The following KHDRBS1 variants were observed in gnomAD, a reference collection of about 807,000 sequenced individuals.
KHDRBS1 encodes the protein KH RNA binding domain containing, signal transduction associated 1, also known as KH domain-containing, RNA-binding, signal transduction-associated protein 1.
In KHDRBS1, 7 loss-of-function variants were observed where a neutral mutation model predicts 48.4. The observed-to-expected ratio is 0.14, with a 90% CI of 0.08 to 0.27. KHDRBS1 has a LOEUF of 0.27. KHDRBS1 is among the 10% of genes least tolerant of loss of function. KHDRBS1 has a pLI of 1.00. For missense variants in KHDRBS1, 458 were observed against 601.2 expected, an observed-to-expected ratio of 0.76 and a Z score of 2.49; for synonymous variants, 241 against 235.8, an observed-to-expected ratio of 1.02 and a Z score of -0.20.
intron 10 of KHDRBS1, among the ~76,000 whole-genome samples, chr1:32,051,452 A>G (rs1470776737): frequency 6.6e-6 from 1 of 152,230 alleles, no homozygotes; most frequent in Non-Finnish European, 1.5e-5. Context: ...TGATAGAGCT[A>G]GGATTTGATC....
chr1:32,022,968 A>G (rs16834808), intron 1 of KHDRBS1, among the ~76,000 whole-genome samples: 4,295 of 152,052 alleles, frequency 0.028, 192 homozygotes, highest in African/African-American at 0.096. Flanking sequence ...AAGTTGGTAT[A>G]TAATTTTCCC....
chr1:32,056,488 C>T (rs982018261), intron 10 of KHDRBS1, among the ~76,000 whole-genome samples: 9 of 152,218 alleles, frequency 5.9e-5, no homozygotes, highest in African/African-American at 1.7e-4. Flanking sequence ...CTGTCAACCT[C>T]TGGTGCCCAC....
At chr1:32,034,681 G>A (rs1328852381) in intron 4 of KHDRBS1, among the ~76,000 whole-genome samples, 1 of 151,172 alleles carries the variant, frequency 6.6e-6, no homozygotes, top group Non-Finnish European at 1.5e-5. Flanking sequence ...ATCTTCATTA[G>A]AATGTTCAAC....
At position 32,039,563 on chromosome 1, in the gene KHDRBS1, T is replaced by C. The variant is rs1381218474; in HGVS notation, c.1224T>C (p.Tyr408=). The change falls in exon 8 of 9, where the codon TAT becomes TAC. Residue 408 remains tyrosine, a synonymous_variant. Coordinates refer to ENST00000327300, the MANE Select transcript of KHDRBS1 (RefSeq NM_006559.3). ...DYGHGEVQDS[Y]EAYGQDDWNG... is the part of the protein sequence containing the mutation. ...GACATGGGGAGGTTCAAGATTCTTA[T>C]GAAGCTTATGGTATGTCTTTATCTC... 10 of 1,505,156 alleles carry C rather than the reference T, an allele frequency of 6.6e-6. No homozygotes were observed. Among genetic ancestry groups the C allele is most frequent in the Middle Eastern group, 1.7e-4 (1 of 5,870 alleles). 93.2% of individuals were successfully genotyped at this position (1,505,156 alleles called of 1,614,324 possible).
Position 32,042,758 on chromosome 1 carries a change from C to T in KHDRBS1, c.*134C>T. 1 of 619,886 alleles carries T rather than the reference C, an allele frequency of 1.6e-6. No individual in the cohort carries two copies. The highest frequency in any genetic ancestry group is 2.9e-6 in the Non-Finnish European group (1 of 340,400). The allele number at this position is 619,886 out of a possible 1,614,324, so 38.4% of individuals were successfully genotyped here. A position where few individuals can be genotyped will look rare whatever the true frequency, so the allele number is the denominator to read the frequency against. ...TGTTTTTCTTCGTGGTCCCCTTCTT[C>T]TCCCCACCTTATTCCATTCTTAACT... is the stretch of plus-strand genomic sequence containing the variant. On this transcript the variant is annotated 3_prime_UTR_variant, in exon 9 of 9. Transcript: ENST00000327300.
intron 1 of KHDRBS1, among the ~76,000 whole-genome samples, chr1:32,023,518 T>A (rs1638902139): frequency 6.6e-6 from 1 of 152,180 alleles, no homozygotes; most frequent in South Asian, 2.1e-4. Context: ...ATGGGTCACC[T>A]CTTGTGTTGT....
chr1:32,038,105 G>A (rs181449163), intron 6 of KHDRBS1, 69 bp downstream of exon 6: 2 of 1,591,700 alleles, frequency 1.3e-6, no homozygotes, highest in Admixed American at 1.7e-5. Context: ...GAATGACAGG[G>A]CCTCGGTCCT....
rs980211053 is a variant in KHDRBS1, at chr1:32,043,183, T to C, written c.*559T>C. On this transcript the variant is annotated 3_prime_UTR_variant, in exon 9 of 9. Transcript: ENST00000327300. Reference sequence around the variant, plus strand: ...TCAGACGTCTCTAAAAAATGTTTCCTTTATAAAAGCACATGGCGGTTGAAT... The same window carrying C: ...TCAGACGTCTCTAAAAAATGTTTCCCTTATAAAAGCACATGGCGGTTGAAT... 1 of 152,578 alleles carries C rather than the reference T, an allele frequency of 6.6e-6. No homozygotes were observed. Among genetic ancestry groups the C allele is most frequent in the African/African-American group, 2.4e-5 (1 of 41,438 alleles). 9.5% of individuals were successfully genotyped at this position (152,578 alleles called of 1,614,324 possible).
intron 1 of KHDRBS1, among the ~76,000 whole-genome samples, chr1:32,023,048 C>G (rs1231684035): frequency 6.6e-6 from 1 of 151,710 alleles, no homozygotes; most frequent in Non-Finnish European, 1.5e-5. Flanking sequence ...TTTTTTCTTA[C>G]TATTTTTCTT....
intron 1 of KHDRBS1, among the ~76,000 whole-genome samples, chr1:32,018,610 AGCCGGGCGCAGT>A (rs1380536135): frequency 1.3e-5 from 2 of 151,630 alleles, no homozygotes; most frequent in African/African-American, 4.9e-5. Flanking sequence ...CAAAAAAATT[AGCCGGGCGCAGT>A]GGCGGGCGCC....
chr1:32,038,310 AG>A, intron 6 of KHDRBS1, among the ~76,000 whole-genome samples: 1 of 152,324 alleles, frequency 6.6e-6, no homozygotes. Flanking sequence ...ATAATACTAA[AG>A]CTCGATTTTG....
chr1:32,030,370 A>C lies in KHDRBS1; in HGVS notation c.455A>C (p.Lys152Thr). ...EENYLDLFSHKNMKLKERVLI... is the reference protein window; with the variant it reads ...EENYLDLFSHTNMKLKERVLI... Reference sequence around the variant, plus strand: ...AATTACTTGGATTTATTTTCTCATAAGAACATGAAACTGAAAGAGCGAGTG... The same window carrying C: ...AATTACTTGGATTTATTTTCTCATACGAACATGAAACTGAAAGAGCGAGTG... The change falls in exon 2 of 9, where the codon AAG becomes ACG. Residue 152 changes from lysine to threonine, a missense_variant. Physicochemically the swap from Lys to Thr is moderately conservative, Grantham distance 78 (BLOSUM62 -1). This residue lies in a region of KHDRBS1 where 74 missense variants were observed against 156.9 expected (regional missense o/e 0.47). Coordinates refer to ENST00000327300, the MANE Select transcript of KHDRBS1 (RefSeq NM_006559.3). The C allele has an allele frequency of 6.2e-7, 1 of 1,612,992 alleles. No homozygotes were observed. The highest frequency in any genetic ancestry group is 8.5e-7 in the Non-Finnish European group (1 of 1,179,484).
At chr1:32,040,777 C>T (rs1008375886) in intron 8 of KHDRBS1, among the ~76,000 whole-genome samples, 4 of 152,170 alleles carry the variant, frequency 2.6e-5, no homozygotes, top group Non-Finnish European at 4.4e-5. Flanking sequence ...TGACAGTTCA[C>T]GCTAAGATAC....
chr1:32,033,665 G>T (rs1228013485), intron 4 of KHDRBS1, among the ~76,000 whole-genome samples: 4 of 152,194 alleles, frequency 2.6e-5, no homozygotes, highest in Non-Finnish European at 5.9e-5. Context: ...TTTGGTAGTA[G>T]TGTGGAACAA....
At chr1:32,031,902 C>G (rs16834814) in intron 3 of KHDRBS1, among the ~76,000 whole-genome samples, 5,004 of 152,168 alleles carry the variant, frequency 0.033, 254 homozygotes, top group African/African-American at 0.11. Flanking sequence ...TAGCATGTTG[C>G]GCATTGGTAG....
chr1:32,027,134 G>A (rs1364579866), intron 1 of KHDRBS1, among the ~76,000 whole-genome samples: 1 of 152,052 alleles, frequency 6.6e-6, no homozygotes, highest in Admixed American at 6.6e-5. Context: ...GTTTCACCAC[G>A]TTGGCCAGGC....
chr1:32,024,258 A>C (rs1638918053), intron 1 of KHDRBS1, among the ~76,000 whole-genome samples: 2 of 152,042 alleles, frequency 1.3e-5, no homozygotes, highest in African/African-American at 4.8e-5. Flanking sequence ...GTTTCAAAAA[A>C]AAAAAGTCAG....
At chr1:32,045,890 A>G (rs77873225), downstream of KHDRBS1, among the ~76,000 whole-genome samples, 830 of 152,330 alleles carry the variant, frequency 5.4e-3, 10 homozygotes, top group African/African-American at 0.019. Flanking sequence ...CTCAAGATTC[A>G]GGTTTTAGAG....
At chr1:32,018,077 T>G (rs1355439214) in intron 1 of KHDRBS1, among the ~76,000 whole-genome samples, 1 of 152,236 alleles carries the variant, frequency 6.6e-6, no homozygotes, top group Non-Finnish European at 1.5e-5. Flanking sequence ...AACTTCAAAA[T>G]AGTTAATTCC....
Sources: gnomAD v4.1 joint callset for allele counts (sites outside exome capture counted in the v4.1 genomes callset) on GRCh38, gnomAD v4.1.1 for gene constraint, gnomAD v4.1.1 regional missense constraint, MANE v1.5 for transcripts, NCBI Gene and HGNC (gene_info 2026-07-23, HGNC 2026-07-21) for gene names.